The following APLP2 variants were observed in gnomAD, a reference collection of about 807,000 sequenced individuals.
The protein encoded by APLP2 is amyloid beta precursor like protein 2.
In APLP2, 53 loss-of-function variants were observed where a neutral mutation model predicts 89.9. That is an observed-to-expected ratio of 0.59 (90% CI 0.47 to 0.74). The LOEUF is 0.74. Among genes scored for constraint, APLP2 ranks in the 30% least tolerant of loss-of-function variants. The probability of loss-of-function intolerance (pLI) is 0.00; values close to 1 mark genes in which losing one functional copy is unlikely to be tolerated. For missense variants in APLP2, 973 were observed against 975.9 expected, an observed-to-expected ratio of 1.00 and a Z score of 0.04; for synonymous variants, 372 against 348.6, an observed-to-expected ratio of 1.07 and a Z score of -0.75.
At position 130,123,740 on chromosome 11, in the gene APLP2, G is replaced by C. The variant is rs146199947; in HGVS notation, c.1051G>C (p.Glu351Gln). The C allele has an allele frequency of 5.8e-5, 94 of 1,614,268 alleles. No individual in the cohort carries two copies. The African/African-American group carries it at 1.1e-3, about 19-fold the overall frequency. ...GGCGGNRNNF[E>Q]SEDYCMAVCK... Reference sequence around the variant, plus strand: ...CTGCGGCGGCAACAGGAACAATTTTGAGTCTGAGGATTATTGTATGGCTGT... The same window carrying C: ...CTGCGGCGGCAACAGGAACAATTTTCAGTCTGAGGATTATTGTATGGCTGT... The change falls in exon 7 of 17, where the codon GAG becomes CAG. Residue 351 changes from glutamate (E) to glutamine (Q), a missense_variant. By Grantham distance (29) the Glu-to-Gln change is conservative (BLOSUM62 2). Coordinates refer to ENST00000338167, the MANE Select transcript of APLP2 (RefSeq NM_001142276.2). The surrounding 1 kb of genome is among the most constrained non-coding windows in gnomAD (Gnocchi z 4.0).
chr11:130,091,941 CG>C (rs1177755701), intron 1 of APLP2, among the ~76,000 whole-genome samples: 8 of 137,108 alleles, frequency 5.8e-5, no homozygotes, highest in Non-Finnish European at 1.1e-4. Flanking sequence ...AGCTGCCGGG[CG>C]GAGGGGCTCC....
chr11:130,106,317 A>G (rs1565573974), intron 1 of APLP2, among the ~76,000 whole-genome samples: 2 of 152,174 alleles, frequency 1.3e-5, no homozygotes, highest in East Asian at 1.9e-4. Context: ...GGTTTCTTGA[A>G]TCTCTCTATC....
At chr11:130,077,435 A>G (rs1942324803) in intron 1 of APLP2, among the ~76,000 whole-genome samples, 1 of 152,202 alleles carries the variant, frequency 6.6e-6, no homozygotes, top group Non-Finnish European at 1.5e-5. Flanking sequence ...CTAAGCATGT[A>G]ACTTGCTTAG....
At chr11:130,116,947 C>T (rs1329878536) in intron 3 of APLP2, among the ~76,000 whole-genome samples, 3 of 151,946 alleles carry the variant, frequency 2.0e-5, no homozygotes, top group East Asian at 2.0e-4. Context: ...CTGACCAACA[C>T]GGTGAAACCC....
intron 1 of APLP2, among the ~76,000 whole-genome samples, chr11:130,091,436 G>A (rs1416015408): frequency 1.5e-5 from 2 of 136,732 alleles, no homozygotes; most frequent in African/African-American, 2.9e-5. Flanking sequence ...TCCCAGTAGG[G>A]GCGGCCGGGC....
chr11:130,122,516 A>G lies in APLP2; in HGVS notation c.922+3A>G. On this transcript the variant is annotated splice_donor_region_variant and intron_variant, in intron 6 of 16. Transcript: ENST00000338167. Reference sequence around the variant, plus strand: ...GGAAATTACTCATGATGTCAAAGGTAACCCCATGTAGAGCCATGGCTTTGA... The same window carrying G: ...GGAAATTACTCATGATGTCAAAGGTGACCCCATGTAGAGCCATGGCTTTGA... 1 of 1,613,988 alleles carries G rather than the reference A, an allele frequency of 6.2e-7. No individual in the cohort carries two copies. Among genetic ancestry groups the G allele is most frequent in the Non-Finnish European group, 8.5e-7 (1 of 1,179,860 alleles).
Position 130,127,776 on chromosome 11 carries a change from A to C in APLP2, c.1232A>C (p.Glu411Ala). The change falls in exon 9 of 17, where the codon GAA becomes GCA. Residue 411 changes from glutamate (E) to alanine (A), a missense_variant. By Grantham distance (107) the Glu-to-Ala change is moderately radical. Transcript: ENST00000338167. ...HRNRMDRVKK[E>A]WEEAELQAKN... ...TGACCTTTGTTCTAGGTAAAGAAGG[A>C]ATGGGAAGAGGCAGAGCTTCAAGCT... 1 of 1,614,170 alleles carries C rather than the reference A, an allele frequency of 6.2e-7. No homozygotes were observed.
chr11:130,110,951 G>C lies in APLP2; in HGVS notation c.403+290G>C, dbSNP rs552091852. Among the ~76,000 whole-genome samples the C allele has an allele frequency of 1.2e-4, 18 of 152,306 alleles. No homozygotes were observed. The South Asian group carries it at 3.5e-3, about 30-fold the overall frequency. On this transcript the variant is annotated intron_variant, in intron 3 of 16. Coordinates refer to ENST00000338167, the MANE Select transcript of APLP2 (RefSeq NM_001142276.2). Reference sequence around the variant, plus strand: ...TACGCCCTCACATTGTTTGATATCAGTGGTTTATGGTGATAGTGCTGAGTA... The same window carrying C: ...TACGCCCTCACATTGTTTGATATCACTGGTTTATGGTGATAGTGCTGAGTA...
chr11:130,084,336 G>A (rs569339612), intron 1 of APLP2, among the ~76,000 whole-genome samples: 141 of 152,068 alleles, frequency 9.3e-4, no homozygotes, highest in African/African-American at 3.4e-3. Flanking sequence ...ACATTTTTTG[G>A]TTTGTATGTG....
Position 130,090,883 on chromosome 11 carries a change from G to A in APLP2, c.106-18546G>A, listed in dbSNP as rs1195803028. Among the ~76,000 whole-genome samples the A allele has an allele frequency of 8.8e-5, 13 of 147,972 alleles. 1 individual carries two copies. Among genetic ancestry groups the A allele is most frequent in the Non-Finnish European group, 1.9e-4 (13 of 66,918 alleles). ...CACCTCCCGGACGGGGCGGTTGGCC[G>A]GGCGGGGGGGCTGACCCCCCCCATC... On this transcript the variant is annotated intron_variant, in intron 1 of 16. Coordinates refer to ENST00000338167, the MANE Select transcript of APLP2 (RefSeq NM_001142276.2).
rs201772983 is a variant in APLP2 at position 130,123,804 on chromosome 11, C to T, written c.1090+25C>T. The T allele has an allele frequency of 2.6e-5, 42 of 1,609,678 alleles. No homozygotes were observed. Among genetic ancestry groups the T allele is most frequent in the East Asian group, 2.2e-4 (10 of 44,846 alleles). ...AGTAAGTCCTGCCTCGCGCTGGTCC[C>T]GTGCGGCAGCACCGTCCTGTCTGGC... On this transcript the variant is annotated intron_variant, in intron 7 of 16. Coordinates refer to ENST00000338167, the MANE Select transcript of APLP2 (RefSeq NM_001142276.2). The surrounding 1 kb of genome is among the most constrained non-coding windows in gnomAD (Gnocchi z 4.0).
At chr11:130,113,936 A>G (rs1194432644) in intron 3 of APLP2, among the ~76,000 whole-genome samples, 2 of 152,184 alleles carry the variant, frequency 1.3e-5, no homozygotes, top group Non-Finnish European at 2.9e-5. Flanking sequence ...CTCCCTTCCC[A>G]GTACCCCTCA....
chr11:130,079,300 T>A (rs11221943), intron 1 of APLP2, among the ~76,000 whole-genome samples: 15,252 of 152,052 alleles, frequency 0.1, 1,159 homozygotes, highest in African/African-American at 0.21. Context: ...GGTTTCACCA[T>A]GTTGGTCAGG....
In APLP2 at chr11:130,123,540, C is replaced by T. The variant is rs1456473642; in HGVS notation, c.923-72C>T. 2 of 1,506,232 alleles carry T rather than the reference C, an allele frequency of 1.3e-6. No homozygotes were observed. Among genetic ancestry groups the T allele is most frequent in the African/African-American group, 1.4e-5 (1 of 72,316 alleles). 93.3% of individuals were successfully genotyped at this position (1,506,232 alleles called of 1,614,324 possible). On this transcript the variant is annotated intron_variant, in intron 6 of 16. Coordinates refer to ENST00000338167, the MANE Select transcript of APLP2 (RefSeq NM_001142276.2). The surrounding 1 kb of genome is among the most constrained non-coding windows in gnomAD (Gnocchi z 4.0). ...TCCCCCAGCCCATCCCCCAGCTCGC[C>T]AGCCTGTAGCATTTTGAAGCATTTG...
chr11:130,073,734 A>G (rs976561567), intron 1 of APLP2, among the ~76,000 whole-genome samples: 2 of 152,108 alleles, frequency 1.3e-5, no homozygotes, highest in Admixed American at 1.3e-4. Context: ...CCAGCTACTC[A>G]GGAGGCTGAG....
chr11:130,115,273 A>G (rs895042603), intron 3 of APLP2, among the ~76,000 whole-genome samples: 4 of 152,132 alleles, frequency 2.6e-5, no homozygotes, highest in Non-Finnish European at 5.9e-5. Context: ...TACACGAGAT[A>G]TTTTGATACA....
At chr11:130,103,572 CATAA>C (rs1947230777) in intron 1 of APLP2, among the ~76,000 whole-genome samples, 1 of 152,220 alleles carries the variant, frequency 6.6e-6, no homozygotes, top group East Asian at 1.9e-4. Context: ...GTGGTTGACC[CATAA>C]ACTGAACATT....
chr11:130,139,859 T>C (rs932762180), intron 13 of APLP2, among the ~76,000 whole-genome samples: 1 of 152,170 alleles, frequency 6.6e-6, no homozygotes, highest in Non-Finnish European at 1.5e-5. Flanking sequence ...CAGACTGTTG[T>C]CATTACTGTT....
chr11:130,128,341 A>G (rs1950593904), intron 9 of APLP2, among the ~76,000 whole-genome samples: 1 of 152,228 alleles, frequency 6.6e-6, no homozygotes, highest in Non-Finnish European at 1.5e-5. Context: ...TTTTTACAAA[A>G]CTGATTTTGT....
Sources: allele counts gnomAD v4.1 joint callset (sites outside exome capture counted in the v4.1 genomes callset), GRCh38; gene constraint gnomAD v4.1.1; non-coding constraint Gnocchi (gnomAD v3.1); transcripts MANE v1.5; gene names NCBI Gene and HGNC (gene_info 2026-07-23, HGNC 2026-07-21).